TENM3: variants seen among roughly 807,000 people sequenced by gnomAD.
TENM3 encodes the protein teneurin-3.
In TENM3, 63 loss-of-function variants were observed where a neutral mutation model predicts 255.1. That is an observed-to-expected ratio of 0.25 (90% CI 0.20 to 0.30). The LOEUF (loss-of-function observed/expected upper bound fraction) is 0.30, where lower values mean the gene tolerates loss of function less well. TENM3 is among the 10% of genes least tolerant of loss of function. The probability of loss-of-function intolerance (pLI) is 1.00; values close to 1 mark genes in which losing one functional copy is unlikely to be tolerated. For synonymous variants in TENM3, 1,306 were observed against 1,322.3 expected, an observed-to-expected ratio of 0.99 and a Z score of 0.27; for missense variants, 2,929 against 3,461.1, an observed-to-expected ratio of 0.85 and a Z score of 3.86.
the TENM3 span, among the ~76,000 whole-genome samples, chr4:182,115,265 G>A: frequency 0.25 from 38,357 of 152,136 alleles, 5,553 homozygotes; most frequent in Non-Finnish European, 0.34. Context: ...GAAAATTCAA[G>A]AAACAATCAT....
the TENM3 span, among the ~76,000 whole-genome samples, chr4:181,577,173 A>C: frequency 1.5e-5 from 2 of 131,908 alleles, no homozygotes; most frequent in African/African-American, 5.7e-5. Context: ...AATATATATT[A>C]TATTATATTA....
chr4:182,227,170 C>G (rs1332892208), intron 1 of TENM3, among the ~76,000 whole-genome samples: 1 of 152,186 alleles, frequency 6.6e-6, no homozygotes, highest in Non-Finnish European at 1.5e-5. Flanking sequence ...TCAAGTTTCA[C>G]ACTCTGTATT....
At chr4:182,056,110 G>C in the TENM3 span, among the ~76,000 whole-genome samples, 1 of 152,020 alleles carries the variant, frequency 6.6e-6, no homozygotes, top group Admixed American at 6.5e-5. Flanking sequence ...GTAAATGTCA[G>C]TGTCCCCACC....
intron 13 of TENM3, among the ~76,000 whole-genome samples, chr4:182,728,160 T>G (rs985172402): frequency 2.7e-4 from 41 of 152,298 alleles, no homozygotes; most frequent in African/African-American, 9.9e-4. Context: ...AAGAGCTATT[T>G]TATTGAAAGG....
At position 182,228,112 on chromosome 4, in the gene TENM3, G is replaced by A. The variant is rs146854038; in HGVS notation, c.-76+83358G>A. On this transcript the variant is annotated intron_variant, in intron 1 of 2. Transcript: ENST00000512480. ...GGAAATGGAGAGATGTGGGTCTAAGGATACAAAGTAGCACATATATAGGAT... is the reference window on the plus strand; with the variant it reads ...GGAAATGGAGAGATGTGGGTCTAAGAATACAAAGTAGCACATATATAGGAT... Among the ~76,000 whole-genome samples, 950 of 152,074 alleles carry A rather than the reference G, an allele frequency of 6.2e-3. 4 individuals carry two copies. Among genetic ancestry groups the A allele is most frequent in the Middle Eastern group, 0.024 (7 of 294 alleles).
chr4:182,529,030 G>A (rs187585755), intron 3 of TENM3, among the ~76,000 whole-genome samples: 1 of 152,342 alleles, frequency 6.6e-6, no homozygotes, highest in East Asian at 1.9e-4. Context: ...ACGTTTAGCT[G>A]CGGTAACAAA....
Position 182,268,732 on chromosome 4 carries a change from C to T in TENM3, c.-76+25256C>T, listed in dbSNP as rs72496312. On this transcript the variant is annotated intron_variant, in intron 1 of 27. Transcript: ENST00000511685. ...CTCATTGCTGTGCTCCCACCAGCAC[C>T]CTGACAGTTTACAAATGCCATGACA... Among the ~76,000 whole-genome samples the T allele has an allele frequency of 4.6e-5, 7 of 152,240 alleles. No homozygotes were observed. The East Asian group carries it at 1.4e-3, about 29-fold the overall frequency.
chr4:181,835,719 C>T, the TENM3 span, among the ~76,000 whole-genome samples: 3 of 152,116 alleles, frequency 2.0e-5, no homozygotes, highest in African/African-American at 4.8e-5. Context: ...GTTTACCAAA[C>T]CTTGGTGTTT....
intron 1 of TENM3, among the ~76,000 whole-genome samples, chr4:182,172,834 G>C (rs1170007111): frequency 6.6e-6 from 1 of 152,064 alleles, no homozygotes; most frequent in Non-Finnish European, 1.5e-5. Flanking sequence ...AAAATATACA[G>C]AGTTTAGTTT....
intron 3 of TENM3, among the ~76,000 whole-genome samples, chr4:182,354,865 AG>A (rs1239281458): frequency 1.3e-5 from 2 of 152,218 alleles, no homozygotes; most frequent in African/African-American, 4.8e-5. Context: ...AACTAAATAA[AG>A]GGTAACTTAT....
chr4:182,463,176 A>T (rs1305041549), intron 3 of TENM3, among the ~76,000 whole-genome samples: 1 of 152,016 alleles, frequency 6.6e-6, no homozygotes, highest in Non-Finnish European at 1.5e-5. Context: ...AAAAATGAAA[A>T]TTTTAATTTT....
chr4:181,970,772 G>A, the TENM3 span, among the ~76,000 whole-genome samples: 1 of 152,108 alleles, frequency 6.6e-6, no homozygotes, highest in Non-Finnish European at 1.5e-5. Flanking sequence ...GCAAGCCTTG[G>A]ACCAAAAGAA....
the TENM3 span, among the ~76,000 whole-genome samples, chr4:181,720,818 C>T: frequency 6.4e-3 from 968 of 152,070 alleles, 8 homozygotes; most frequent in Middle Eastern, 0.01. Context: ...AAAATGAGGT[C>T]GGACCATAAA....
At chr4:182,778,134 A>T (rs1187631153) in intron 24 of TENM3, among the ~76,000 whole-genome samples, 1 of 152,130 alleles carries the variant, frequency 6.6e-6, no homozygotes, top group African/African-American at 2.4e-5. Flanking sequence ...TTTACTAAAT[A>T]TTCCTAGGTT....
intron 3 of TENM3, among the ~76,000 whole-genome samples, chr4:182,528,175 T>C (rs1037187211): frequency 5.9e-5 from 9 of 152,152 alleles, no homozygotes; most frequent in Non-Finnish European, 1.0e-4. Flanking sequence ...TGGAGTGCAG[T>C]GTCACGATCT....
At chr4:181,962,780 G>A in the TENM3 span, among the ~76,000 whole-genome samples, 2 of 152,134 alleles carry the variant, frequency 1.3e-5, no homozygotes, top group African/African-American at 2.4e-5. Context: ...TTCTTGCCAG[G>A]TTCTTAGCGT....
chr4:182,671,380 G>C (rs1193304944), intron 6 of TENM3, among the ~76,000 whole-genome samples: 1 of 152,138 alleles, frequency 6.6e-6, no homozygotes, highest in Non-Finnish European at 1.5e-5. Context: ...CACCTGTCAA[G>C]TTCCACGGCC....
the TENM3 span, among the ~76,000 whole-genome samples, chr4:181,678,085 A>T: frequency 6.6e-6 from 1 of 152,156 alleles, no homozygotes; most frequent in East Asian, 1.9e-4. Context: ...TTGAACACTT[A>T]CTGTGTGCGA....
chr4:182,583,605 ATT>A (rs1158042497), intron 3 of TENM3, among the ~76,000 whole-genome samples: 1 of 152,068 alleles, frequency 6.6e-6, no homozygotes, highest in Admixed American at 6.6e-5. Context: ...TATCTCCCTA[ATT>A]TTTATATAAG....
Sources: allele counts gnomAD v4.1 joint callset (sites outside exome capture counted in the v4.1 genomes callset), GRCh38; gene constraint gnomAD v4.1.1; transcripts MANE v1.5; gene names NCBI Gene and HGNC (gene_info 2026-07-23, HGNC 2026-07-21).